The following FANCC variants were observed in gnomAD, a reference collection of about 807,000 sequenced individuals.
The protein encoded by FANCC is Fanconi anemia group C protein.
In FANCC, 55 loss-of-function variants were observed where a neutral mutation model predicts 71.3. That is an observed-to-expected ratio of 0.77 (90% CI 0.62 to 0.97). FANCC has a LOEUF of 0.97. FANCC is among the 50% of genes least tolerant of loss of function. The pLI, the probability that FANCC is intolerant of heterozygous loss-of-function variation, is 0.00. For synonymous variants in FANCC, 275 were observed against 244.9 expected, an observed-to-expected ratio of 1.12 and a Z score of -1.15; for missense variants, 678 against 670.9, an observed-to-expected ratio of 1.01 and a Z score of -0.12.
intron 12 of FANCC, 117 bp downstream of exon 12, chr9:95,114,512 T>G: frequency 2.2e-6 from 2 of 918,456 alleles, no homozygotes; most frequent in African/African-American, 1.6e-5. Flanking sequence ...TGCTCACCTG[T>G]TTGGTGATGG....
In FANCC at chr9:95,099,820, C is replaced by G. The variant is rs1332520706; in HGVS notation, c.*1887G>C. ...GCAGATGGGCCGAGGTCAGGGCTTC[C>G]AGGCTAGGAAGAAGTCTTCCAGATG... On this transcript the variant is annotated 3_prime_UTR_variant, in exon 15 of 15. Transcript: ENST00000289081. The G allele has an allele frequency of 4.3e-6, 1 of 232,484 alleles. No individual in the cohort carries two copies. The highest frequency in any genetic ancestry group is 8.5e-6 in the Non-Finnish European group (1 of 117,668). The allele number at this position is 232,484 out of a possible 1,614,324, so 14.4% of individuals were successfully genotyped here.
At chr9:95,219,543 A>T (rs1190720009) in intron 4 of FANCC, among the ~76,000 whole-genome samples, 1 of 152,148 alleles carries the variant, frequency 6.6e-6, no homozygotes, top group Non-Finnish European at 1.5e-5. Context: ...GCCCCTTCAA[A>T]GGAACGATAT....
At chr9:95,149,862 A>G in intron 7 of FANCC, 61 bp downstream of exon 7, 1 of 1,536,904 alleles carries the variant, frequency 6.5e-7, no homozygotes, top group Non-Finnish European at 8.8e-7. Flanking sequence ...TTTCCAACAC[A>G]CCACAGCCTT....
At chr9:95,200,245 C>A (rs1212709379) in intron 4 of FANCC, among the ~76,000 whole-genome samples, 8 of 152,220 alleles carry the variant, frequency 5.3e-5, no homozygotes, top group Non-Finnish European at 8.8e-5. Flanking sequence ...CACATTAGTA[C>A]CCACCACTTA....
chr9:95,156,113 T>C (rs1405351630), intron 6 of FANCC, among the ~76,000 whole-genome samples: 1 of 152,146 alleles, frequency 6.6e-6, no homozygotes, highest in Non-Finnish European at 1.5e-5. Context: ...ATAATTGGTT[T>C]TTGGTGTTGT....
intron 7 of FANCC, among the ~76,000 whole-genome samples, chr9:95,146,487 CAAAAA>C (rs61093923): frequency 8.8e-5 from 4 of 45,574 alleles, no homozygotes; most frequent in South Asian, 3.1e-3. Context: ...GACCCCATCT[CAAAAA>C]AAAAAAAAAA....
Position 95,247,523 on chromosome 9 carries a change from A to G in FANCC, c.166-7T>C, listed in dbSNP as rs369052148. The G allele has an allele frequency of 4.8e-5, 78 of 1,609,444 alleles. No individual in the cohort carries two copies. In the African/African-American group the frequency reaches 8.7e-4, roughly 18 times the overall value. Reference sequence around the variant, plus strand: ...CAATGACTGTATTAGAATCCTGTGAAAGAAAAATAAATTTTGGTCAGTAAA... The same window carrying G: ...CAATGACTGTATTAGAATCCTGTGAGAGAAAAATAAATTTTGGTCAGTAAA... On this transcript the variant is annotated splice_polypyrimidine_tract_variant and splice_region_variant and intron_variant, in intron 2 of 14. Coordinates refer to ENST00000289081, the MANE Select transcript of FANCC (RefSeq NM_000136.3).
chr9:95,168,358 T>G (rs1227611923), intron 6 of FANCC, among the ~76,000 whole-genome samples: 1 of 152,208 alleles, frequency 6.6e-6, no homozygotes, highest in Admixed American at 6.5e-5. Context: ...CTGTCAATTC[T>G]CTGGTGCTAC....
chr9:95,236,736 C>T (rs1305324369), intron 4 of FANCC, among the ~76,000 whole-genome samples: 2 of 152,106 alleles, frequency 1.3e-5, no homozygotes, highest in African/African-American at 4.8e-5. Flanking sequence ...CACAGAATGA[C>T]CCAAGATTTT....
intron 1 of FANCC, chr9:95,294,453 G>T (rs1284867384): frequency 2.5e-6 from 4 of 1,601,172 alleles, no homozygotes; most frequent in Non-Finnish European, 3.4e-6. Flanking sequence ...GACAAACACA[G>T]ACAGACTTAA....
intron 1 of FANCC, among the ~76,000 whole-genome samples, chr9:95,284,126 T>C (rs1833533433): frequency 6.6e-6 from 1 of 152,224 alleles, no homozygotes; most frequent in Non-Finnish European, 1.5e-5. Context: ...AGTCCTCTAC[T>C]AGCTAGAAAT....
chr9:95,112,078 G>A (rs1414506562), intron 12 of FANCC, among the ~76,000 whole-genome samples: 1 of 152,240 alleles, frequency 6.6e-6, no homozygotes, highest in Non-Finnish European at 1.5e-5. Flanking sequence ...GGATATTTCA[G>A]CAACTACGAA....
intron 6 of FANCC, among the ~76,000 whole-genome samples, chr9:95,154,874 A>C (rs1364093091): frequency 6.6e-6 from 1 of 152,142 alleles, no homozygotes; most frequent in African/African-American, 2.4e-5. Context: ...AACTTTTAAA[A>C]AACTAAAATA....
intron 6 of FANCC, among the ~76,000 whole-genome samples, chr9:95,152,524 C>T (rs1588187113): frequency 6.6e-6 from 1 of 152,080 alleles, no homozygotes; most frequent in African/African-American, 2.4e-5. Context: ...GGGAGGATGG[C>T]GGAAAGGCTT....
intron 1 of FANCC, among the ~76,000 whole-genome samples, chr9:95,263,036 T>C (rs1388686712): frequency 1.3e-5 from 2 of 152,212 alleles, no homozygotes; most frequent in Admixed American, 6.5e-5. Flanking sequence ...GGTTAAACAA[T>C]GTTAATGTAA....
chr9:95,152,019 T>TATC (rs1227614042), intron 6 of FANCC, among the ~76,000 whole-genome samples: 3 of 152,136 alleles, frequency 2.0e-5, no homozygotes. Context: ...TTTCCAATTA[T>TATC]ATCATTATTT....
intron 4 of FANCC, among the ~76,000 whole-genome samples, chr9:95,220,092 A>G (rs1301054372): frequency 6.6e-6 from 1 of 152,272 alleles, no homozygotes; most frequent in Non-Finnish European, 1.5e-5. Context: ...GAACACATTT[A>G]TGCAGCCAAC....
At position 95,113,551 on chromosome 9, in the gene FANCC, C is replaced by T. The variant is rs150660530; in HGVS notation, c.1154+1078G>A. Among the ~76,000 whole-genome samples the T allele has an allele frequency of 1.8e-3, 275 of 151,518 alleles. 2 individuals are homozygous for T. Among genetic ancestry groups the T allele is most frequent in the African/African-American group, 6.4e-3 (264 of 41,218 alleles). ...GTCCACACCTGTAATCCCAGCACGA[C>T]GGGAGGCCAAGGCAGGAGGATTACT... On this transcript the variant is annotated intron_variant, in intron 12 of 14. Coordinates refer to ENST00000289081, the MANE Select transcript of FANCC (RefSeq NM_000136.3).
At chr9:95,313,583 G>GA (rs1554875741) in intron 1 of FANCC, among the ~76,000 whole-genome samples, 1 of 152,050 alleles carries the variant, frequency 6.6e-6, no homozygotes, top group Non-Finnish European at 1.5e-5. Context: ...CACAAACTCT[G>GA]AAAAAATAGG....
Sources: allele counts gnomAD v4.1 joint callset (sites outside exome capture counted in the v4.1 genomes callset), GRCh38; gene constraint gnomAD v4.1.1; transcripts MANE v1.5; gene names NCBI Gene and HGNC (gene_info 2026-07-23, HGNC 2026-07-21).